Variants in HIF3A observed in about 807,000 individuals in gnomAD.
HIF3A encodes the protein hypoxia inducible factor 3 subunit alpha, also known as hypoxia-inducible factor 3-alpha.
Under a neutral mutation model 67.2 loss-of-function variants are expected in HIF3A, and 41 were observed. That is an observed-to-expected ratio of 0.61 (90% CI 0.48 to 0.79). HIF3A has a LOEUF of 0.79. Ranked by LOEUF, HIF3A falls within the 30% of genes least tolerant of loss-of-function variation. The pLI is 0.00. For missense variants in HIF3A, 855 were observed against 898.0 expected, an observed-to-expected ratio of 0.95 and a Z score of 0.61; for synonymous variants, 356 against 374.8, an observed-to-expected ratio of 0.95 and a Z score of 0.58.
chr19:46,331,558 A>G (rs1971231194), intron 13 of HIF3A: 1 of 201,116 alleles, frequency 5.0e-6, no homozygotes, highest in Non-Finnish European at 1.0e-5. Context: ...AAATACATGT[A>G]AGATGGCAGT....
chr19:46,308,984 G>A (rs564431928), intron 5 of HIF3A, among the ~76,000 whole-genome samples, 167 bp from the exon 6 acceptor site: 1 of 152,116 alleles, frequency 6.6e-6, no homozygotes, highest in Admixed American at 6.5e-5. Context: ...TCTTAGGATG[G>A]GTTCCTATGG....
intron 14 of HIF3A, among the ~76,000 whole-genome samples, chr19:46,336,370 GCTTT>G (rs902011235): frequency 6.6e-6 from 1 of 150,652 alleles, no homozygotes; most frequent in African/African-American, 2.4e-5. Context: ...GGGATTACAG[GCTTT>G]CTCTTTTTTT....
At chr19:46,305,140 G>C in intron 2 of HIF3A, 105 bp from the exon 3 acceptor site, 2 of 1,539,952 alleles carry the variant, frequency 1.3e-6, no homozygotes, top group Non-Finnish European at 1.8e-6. Context: ...GTGCATGTAA[G>C]TTTCTCTGAA....
intron 1 of HIF3A, chr19:46,298,369 C>T (rs972583604): frequency 7.9e-7 from 1 of 1,271,464 alleles, no homozygotes; most frequent in African/African-American, 1.5e-5. Flanking sequence ...GGGTGCCCCC[C>T]CTCCCCACCC....
Position 46,329,454 on chromosome 19 carries a change from C to A in HIF3A, c.1688C>A (p.Ser563Tyr). ...TCCAGAGGGGACCCCTCAGCATCCT[C>A]TCCCATGGCTGGGGCTCGGAAGAGG... ...SPSRGDPSAS[S>Y]PMAGARKRTL... is the part of the protein sequence containing the mutation. The change falls in exon 12 of 15, where the codon TCT becomes TAT. Residue 563 changes from serine (S) to tyrosine (Y), a missense_variant. Transcript: ENST00000377670. 6.5e-7 allele frequency: 1 copy of A among 1,533,224 alleles called. No homozygotes were observed. The allele number at this position is 1,533,224 out of a possible 1,614,324, so 95.0% of individuals were successfully genotyped here. A position where few individuals can be genotyped will look rare whatever the true frequency, so the allele number is the denominator to read the frequency against.
chr19:46,313,664 ATTTTTTT>A (rs34143893), intron 8 of HIF3A, among the ~76,000 whole-genome samples: 7 of 130,608 alleles, frequency 5.4e-5, no homozygotes, highest in African/African-American at 2.0e-4. Context: ...AATTACCACG[ATTTTTTT>A]TTTTTTTTTT....
intron 1 of HIF3A, among the ~76,000 whole-genome samples, chr19:46,301,271 C>T (rs1194820219): frequency 6.6e-6 from 1 of 152,082 alleles, no homozygotes; most frequent in African/African-American, 2.4e-5. Context: ...GGGGTGGGGC[C>T]GCAGGTCTCT....
chr19:46,320,000 C>T (rs1399300786), intron 8 of HIF3A, among the ~76,000 whole-genome samples: 1 of 152,146 alleles, frequency 6.6e-6, no homozygotes, highest in African/African-American at 2.4e-5. Flanking sequence ...GAGGCTGAGG[C>T]AGGTGGATCA....
intron 8 of HIF3A, among the ~76,000 whole-genome samples, chr19:46,319,951 C>T (rs183844732): frequency 3.5e-3 from 535 of 152,258 alleles, no homozygotes; most frequent in Non-Finnish European, 4.4e-3. Flanking sequence ...CAGAATAGGC[C>T]GGGCACAGTG....
chr19:46,303,967 G>A lies in HIF3A; in HGVS notation c.96G>A (p.Glu32=), dbSNP rs1339479240. The change falls in exon 2 of 15, where the codon GAG becomes GAA. Residue 32 remains glutamate, a synonymous_variant. Transcript: ENST00000377670. ...AARSRRSQET[E]VLYQLAHTLP... ...GCAGCCGGCGCAGCCAGGAGACCGA[G>A]GTGCTGTACCAGCTGGCTCACACGC... 3 of 1,604,948 alleles carry A rather than the reference G, an allele frequency of 1.9e-6. No individual in the cohort carries two copies. Among genetic ancestry groups the A allele is most frequent in the African/African-American group, 2.7e-5 (2 of 74,788 alleles).
chr19:46,312,972 TG>T (rs1969596213), intron 8 of HIF3A: 2 of 1,006,488 alleles, frequency 2.0e-6, no homozygotes, highest in South Asian at 9.2e-5. Flanking sequence ...TTATTTGGCC[TG>T]GCATGGTGGC....
rs183559655 is a variant in HIF3A, at chr19:46,311,933, G to A, written c.771-228G>A. ...CTGCAAAGTCCCTTTAGCCACGTAAGAGACCATATCTACAGATTCCGGGAA... is the reference window on the plus strand; with the variant it reads ...CTGCAAAGTCCCTTTAGCCACGTAAAAGACCATATCTACAGATTCCGGGAA... On this transcript the variant is annotated intron_variant, in intron 6 of 14. Coordinates refer to ENST00000377670, the MANE Select transcript of HIF3A (RefSeq NM_152795.4). 50 of 733,994 alleles carry A rather than the reference G, an allele frequency of 6.8e-5. No individual in the cohort carries two copies. In the East Asian group the frequency reaches 1.1e-3, roughly 17 times the overall value. The allele number at this position is 733,994 out of a possible 1,614,324, so 45.5% of individuals were successfully genotyped here.
At chr19:46,322,397 T>C (rs975296753) in intron 10 of HIF3A, among the ~76,000 whole-genome samples, 3 of 152,152 alleles carry the variant, frequency 2.0e-5, no homozygotes, top group Non-Finnish European at 2.9e-5. Flanking sequence ...TCTTTGCTCT[T>C]CAGACACCAG....
chr19:46,300,990 G>A lies in HIF3A; in HGVS notation c.27-2908G>A, dbSNP rs565627721. Among the ~76,000 whole-genome samples, 1,228 of 151,952 alleles carry A rather than the reference G, an allele frequency of 8.1e-3. 20 individuals are homozygous for A. Among genetic ancestry groups the A allele is most frequent in the African/African-American group, 0.028 (1,175 of 41,434 alleles). ...CAGTTCCCACTCCCTGTTCCCTGTC[G>A]GGCCCCCAGCTCCGTGAGGCCCTCT... On this transcript the variant is annotated intron_variant, in intron 1 of 14. Transcript: ENST00000377670.
chr19:46,331,362 C>T (rs1301927165), intron 13 of HIF3A, 89 bp downstream of exon 13: 1 of 1,048,774 alleles, frequency 9.5e-7, no homozygotes, highest in Non-Finnish European at 1.5e-6. Context: ...CAGAGAGGGG[C>T]AGGGGCTGGT....
chr19:46,320,621 C>A, intron 9 of HIF3A, 60 bp downstream of exon 9: 1 of 1,321,226 alleles, frequency 7.6e-7, no homozygotes. Context: ...GGAGAAAGCC[C>A]AAGCACCTTA....
Position 46,331,184 on chromosome 19 carries a change from G to A in HIF3A, c.1741G>A (p.Asp581Asn), listed in dbSNP as rs1971186510. Residue 581 changes from aspartate to asparagine, a missense_variant, in exon 13 of 15, where the codon GAC becomes AAC. Asp to Asn is a conservative substitution (Grantham distance 23). This residue lies in a region of HIF3A where 199 missense variants were observed against 193.8 expected (regional missense o/e 1.03). Transcript: ENST00000377670. Reference protein sequence around the residue: ...RTLAQSSEDEDEGVELLGVRP... With the variant: ...RTLAQSSEDENEGVELLGVRP... ...CCTGGCCCAGAGCTCAGAGGACGAG[G>A]ACGAGGGAGTGGAGCTGCTGGGAGT... 1.9e-6 allele frequency: 3 copies of A among 1,613,910 alleles called. No individual in the cohort carries two copies. The highest frequency in any genetic ancestry group is 3.3e-4 in the Middle Eastern group (2 of 6,080).
intron 1 of HIF3A, among the ~76,000 whole-genome samples, chr19:46,298,881 G>A (rs1355610729): frequency 1.4e-5 from 2 of 145,204 alleles, no homozygotes; most frequent in Non-Finnish European, 3.0e-5. Context: ...TGTGCTTTTC[G>A]TAAGACGCCC....
intron 13 of HIF3A, among the ~76,000 whole-genome samples, chr19:46,334,214 C>G (rs1971451296): frequency 6.6e-6 from 1 of 152,188 alleles, no homozygotes; most frequent in Admixed American, 6.5e-5. Flanking sequence ...ACCTCCGCCT[C>G]CCAAGTAGCT....
Sources: gnomAD v4.1 joint callset for allele counts (sites outside exome capture counted in the v4.1 genomes callset) on GRCh38, gnomAD v4.1.1 for gene constraint, gnomAD v4.1.1 regional missense constraint, MANE v1.5 for transcripts, NCBI Gene and HGNC (gene_info 2026-07-23, HGNC 2026-07-21) for gene names.